Variants in HDAC9 observed in about 807,000 individuals in gnomAD.
HDAC9 encodes the protein MEF-2 interacting transcription repressor (MITR) protein.
Under a neutral mutation model 139.4 loss-of-function variants are expected in HDAC9, and 41 were observed. That is an observed-to-expected ratio of 0.29 (90% confidence interval 0.23 to 0.38). The LOEUF is 0.38. Ranked by LOEUF, HDAC9 falls within the 10% of genes least tolerant of loss-of-function variation. The pLI, the probability that HDAC9 is intolerant of heterozygous loss-of-function variation, is 1.00. For synonymous variants in HDAC9, 517 were observed against 476.2 expected, an observed-to-expected ratio of 1.09 and a Z score of -1.12; for missense variants, 1,147 against 1,297.0, an observed-to-expected ratio of 0.88 and a Z score of 1.78.
intron 22 of HDAC9, among the ~76,000 whole-genome samples, chr7:18,881,637 A>T (rs1208757508): frequency 6.6e-6 from 1 of 152,134 alleles, no homozygotes; most frequent in East Asian, 1.9e-4. Context: ...AAAATCTATA[A>T]AGAACCTAAT....
chr7:18,516,814 T>C (rs1803349842), intron 2 of HDAC9, among the ~76,000 whole-genome samples: 1 of 140,588 alleles, frequency 7.1e-6, no homozygotes, highest in African/African-American at 2.7e-5. Context: ...TAAGCCGAGA[T>C]CGTGCCATTG....
chr7:18,109,873 G>A (rs1414063429), intron 1 of HDAC9, among the ~76,000 whole-genome samples: 2 of 152,300 alleles, frequency 1.3e-5, no homozygotes, highest in East Asian at 3.9e-4. Flanking sequence ...ATGCTTCTGA[G>A]CAGTTTCTTA....
intron 2 of HDAC9, among the ~76,000 whole-genome samples, chr7:18,225,609 C>T (rs889595588): frequency 6.6e-6 from 1 of 151,976 alleles, no homozygotes; most frequent in African/African-American, 2.4e-5. Context: ...TACATGGAAT[C>T]TTAAATATAA....
chr7:18,266,714 C>G (rs891329226), intron 2 of HDAC9, among the ~76,000 whole-genome samples: 2 of 152,138 alleles, frequency 1.3e-5, no homozygotes, highest in Non-Finnish European at 2.9e-5. Context: ...TGTGATACCA[C>G]TGCCTTGATT....
At chr7:18,947,641 A>G (rs1392405828) in intron 23 of HDAC9, among the ~76,000 whole-genome samples, 1 of 151,980 alleles carries the variant, frequency 6.6e-6, no homozygotes, top group Non-Finnish European at 1.5e-5. Context: ...CACAAAACCC[A>G]TATAGCTTCA....
intron 1 of HDAC9, among the ~76,000 whole-genome samples, chr7:18,385,085 T>G (rs1785794717): frequency 6.6e-6 from 1 of 152,232 alleles, no homozygotes; most frequent in East Asian, 1.9e-4. Context: ...TTCAAGTTGG[T>G]GTGGATGCCA....
rs1811375391 is a variant in HDAC9 at position 18,537,760 on chromosome 7, ATAGTT to A, written c.22+41437_22+41441del. Among the ~76,000 whole-genome samples the A allele has an allele frequency of 2.0e-5, 3 of 152,210 alleles. No individual in the cohort carries two copies. In the South Asian group the frequency reaches 6.2e-4, roughly 32 times the overall value. ...TCTGACCCAAAAGTTATGCGGGAGA[ATAGTT>A]AAGTTCCAGAGAGATGTAGCTAATG... On this transcript the variant is annotated intron_variant, in intron 2 of 25. Transcript: ENST00000686413.
intron 24 of HDAC9, among the ~76,000 whole-genome samples, chr7:18,968,117 G>A (rs1379157798): frequency 2.0e-5 from 3 of 151,972 alleles, no homozygotes; most frequent in Non-Finnish European, 2.9e-5. Context: ...AGCCGAGATC[G>A]CGCCATTGCA....
chr7:18,380,213 G>A (rs1785311060), intron 1 of HDAC9, among the ~76,000 whole-genome samples: 2 of 152,090 alleles, frequency 1.3e-5, no homozygotes, highest in African/African-American at 4.8e-5. Flanking sequence ...CAAATAATGG[G>A]TTAACGTATA....
At chr7:18,674,674 GTTAA>G (rs1781388870) in intron 12 of HDAC9, among the ~76,000 whole-genome samples, 1 of 151,916 alleles carries the variant, frequency 6.6e-6, no homozygotes, top group African/African-American at 2.4e-5. Flanking sequence ...GATGTAAATG[GTTAA>G]AGGCATTTTC....
chr7:18,251,929 C>T (rs1252194011), intron 2 of HDAC9, among the ~76,000 whole-genome samples: 1 of 152,120 alleles, frequency 6.6e-6, no homozygotes, highest in Non-Finnish European at 1.5e-5. Context: ...ACTGTATATA[C>T]GTATGTCCCC....
At chr7:18,117,857 A>G (rs1784106826) in intron 1 of HDAC9, among the ~76,000 whole-genome samples, 1 of 152,214 alleles carries the variant, frequency 6.6e-6, no homozygotes, top group African/African-American at 2.4e-5. Flanking sequence ...TGGAGAGACA[A>G]TGGAGAGAAT....
chr7:18,641,587 CT>C (rs1306016003), intron 8 of HDAC9, among the ~76,000 whole-genome samples: 2 of 152,076 alleles, frequency 1.3e-5, no homozygotes, highest in African/African-American at 2.4e-5. Context: ...CAATAAAAAT[CT>C]TTGGTTCTGA....
intron 2 of HDAC9, among the ~76,000 whole-genome samples, chr7:18,526,704 T>C (rs952519082): frequency 6.6e-6 from 1 of 152,164 alleles, no homozygotes; most frequent in African/African-American, 2.4e-5. Context: ...CAGTTCTATT[T>C]GTAGTACAAA....
At chr7:18,929,440 G>C (rs903963011) in intron 22 of HDAC9, among the ~76,000 whole-genome samples, 1 of 152,020 alleles carries the variant, frequency 6.6e-6, no homozygotes, top group Non-Finnish European at 1.5e-5. Context: ...GTAATTACCA[G>C]TTCAGCTCCA....
chr7:18,366,005 C>T (rs558303423), intron 1 of HDAC9, among the ~76,000 whole-genome samples: 34 of 150,542 alleles, frequency 2.3e-4, no homozygotes, highest in Non-Finnish European at 3.1e-4. Flanking sequence ...TCTGTCACCA[C>T]GCAAAGCAAC....
intron 22 of HDAC9, among the ~76,000 whole-genome samples, chr7:18,896,057 A>C (rs1170249621): frequency 1.3e-5 from 2 of 152,122 alleles, no homozygotes; most frequent in African/African-American, 4.8e-5. Flanking sequence ...GAAGGGAAAC[A>C]TCAAGAAGAT....
At chr7:18,948,111 A>G (rs574652308) in intron 23 of HDAC9, among the ~76,000 whole-genome samples, 1 of 152,054 alleles carries the variant, frequency 6.6e-6, no homozygotes, top group Non-Finnish European at 1.5e-5. Flanking sequence ...TCCACAGTAT[A>G]CATCAGGTTT....
At chr7:18,300,580 T>C (rs1221278493) in intron 1 of HDAC9, among the ~76,000 whole-genome samples, 1 of 152,052 alleles carries the variant, frequency 6.6e-6, no homozygotes, top group African/African-American at 2.4e-5. Flanking sequence ...TTTATCACAA[T>C]AAAATTAAGA....
Sources: gnomAD v4.1 joint callset for allele counts (sites outside exome capture counted in the v4.1 genomes callset) on GRCh38, gnomAD v4.1.1 for gene constraint, MANE v1.5 for transcripts, NCBI Gene and HGNC (gene_info 2026-07-23, HGNC 2026-07-21) for gene names.